RIMS2: variants seen among roughly 807,000 people sequenced by gnomAD.
RIMS2 encodes the protein regulating synaptic membrane exocytosis 2.
Under a neutral mutation model 174.4 loss-of-function variants are expected in RIMS2, and 59 were observed. The ratio of observed to expected loss-of-function variants is 0.34; its 90% confidence interval spans 0.27 to 0.42. The LOEUF is 0.42. Among genes scored for constraint, RIMS2 ranks in the 10% least tolerant of loss-of-function variants. The probability of loss-of-function intolerance (pLI) is 1.00; values close to 1 mark genes in which losing one functional copy is unlikely to be tolerated. For missense variants in RIMS2, 1,620 were observed against 1,666.3 expected, an observed-to-expected ratio of 0.97 and a Z score of 0.48; for synonymous variants, 606 against 572.5, an observed-to-expected ratio of 1.06 and a Z score of -0.84.
chr8:103,962,615 G>T (rs946140747), intron 15 of RIMS2, among the ~76,000 whole-genome samples: 1 of 149,596 alleles, frequency 6.7e-6, no homozygotes. Context: ...ATTTTTTATT[G>T]ATTGATTGAT....
intron 19 of RIMS2, among the ~76,000 whole-genome samples, chr8:104,099,240 A>G (rs2097822639): frequency 6.6e-6 from 1 of 152,124 alleles, no homozygotes; most frequent in Non-Finnish European, 1.5e-5. Flanking sequence ...ATATTCCATC[A>G]AGCTTAGTTT....
rs149743397 is a variant in RIMS2, at chr8:103,538,547, C to A, written c.176+37485C>A. 2.0e-5 allele frequency among the ~76,000 whole-genome samples: 3 copies of A among 150,050 alleles called. No homozygotes were observed. In the East Asian group the frequency reaches 6.0e-4, roughly 30 times the overall value. On this transcript the variant is annotated intron_variant, in intron 1 of 23. Coordinates refer to ENST00000504942, the Ensembl canonical transcript of RIMS2. ...ATTCTTTTTTTTGGAGATGGAGTCT[C>A]GCTCTGTTGCCCAGGCTGGACTACA...
At chr8:103,631,285 T>C (rs1490296155) in intron 1 of RIMS2, among the ~76,000 whole-genome samples, 1 of 152,218 alleles carries the variant, frequency 6.6e-6, no homozygotes, top group Non-Finnish European at 1.5e-5. Flanking sequence ...CCATCTTGAG[T>C]TGATTGTTGT....
intron 1 of RIMS2, among the ~76,000 whole-genome samples, chr8:103,600,895 C>T (rs985318428): frequency 1.3e-5 from 2 of 152,112 alleles, no homozygotes; most frequent in Admixed American, 1.3e-4. Flanking sequence ...GCCATTTTAA[C>T]TGTGGTGAGA....
chr8:104,048,665 T>C (rs997622190), intron 19 of RIMS2, among the ~76,000 whole-genome samples: 6 of 152,158 alleles, frequency 3.9e-5, no homozygotes, highest in African/African-American at 1.4e-4. Context: ...AATGGCTAAA[T>C]AAGTTATATG....
At chr8:103,894,710 CAAA>C (rs2099267395) in intron 4 of RIMS2, among the ~76,000 whole-genome samples, 3 of 151,452 alleles carry the variant, frequency 2.0e-5, no homozygotes, top group Non-Finnish European at 4.4e-5. Context: ...GTCTATATTT[CAAA>C]AATTATAGTC....
chr8:103,701,170 A>G (rs1216090413), intron 2 of RIMS2, among the ~76,000 whole-genome samples: 2 of 152,044 alleles, frequency 1.3e-5, no homozygotes, highest in Non-Finnish European at 1.5e-5. Context: ...CTGCTGATGA[A>G]TAGTTTCAAT....
intron 1 of RIMS2, among the ~76,000 whole-genome samples, chr8:103,561,342 C>G (rs1213181323): frequency 6.6e-6 from 1 of 151,972 alleles, no homozygotes; most frequent in East Asian, 1.9e-4. Context: ...CCCATTGAAT[C>G]AATTTAGAAA....
At chr8:104,212,266 A>G (rs1399277663) in intron 19 of RIMS2, among the ~76,000 whole-genome samples, 1 of 152,188 alleles carries the variant, frequency 6.6e-6, no homozygotes, top group Admixed American at 6.5e-5. Context: ...GGGAATGTAT[A>G]ATAAAAGAAG....
At chr8:104,133,880 A>G (rs2098495117) in intron 19 of RIMS2, among the ~76,000 whole-genome samples, 1 of 152,170 alleles carries the variant, frequency 6.6e-6, no homozygotes, top group Admixed American at 6.6e-5. Context: ...TGAAGAAGGA[A>G]TATGTTTGAG....
At chr8:103,942,779 A>G in exon 14 of RIMS2, 4 of 1,610,366 alleles carry the variant, frequency 2.5e-6, no homozygotes, top group Non-Finnish European at 3.4e-6. Context: ...GTAGATTTTA[A>G]TTGAATTAGA....
chr8:103,906,803 C>T (rs922830600), intron 4 of RIMS2, among the ~76,000 whole-genome samples: 33 of 152,050 alleles, frequency 2.2e-4, no homozygotes, highest in Non-Finnish European at 1.6e-4. Context: ...TGTTATGGGA[C>T]AATACTGTAT....
At chr8:103,643,177 A>G (rs2096263880) in intron 1 of RIMS2, among the ~76,000 whole-genome samples, 1 of 151,736 alleles carries the variant, frequency 6.6e-6, no homozygotes, top group Admixed American at 6.6e-5. Flanking sequence ...TTTTTGGCCA[A>G]GTCTACTGCT....
chr8:104,078,473 G>A (rs2097343117), intron 19 of RIMS2, among the ~76,000 whole-genome samples: 1 of 152,102 alleles, frequency 6.6e-6, no homozygotes, highest in African/African-American at 2.4e-5. Flanking sequence ...GTGTGTCTGT[G>A]TCCTAATCTC....
Position 103,577,529 on chromosome 8 carries a change from G to A in RIMS2, c.176+76467G>A, listed in dbSNP as rs145010133. 6.2e-3 allele frequency among the ~76,000 whole-genome samples: 940 copies of A among 152,218 alleles called. 27 individuals are homozygous for A. The highest frequency in any genetic ancestry group is 0.036 in the Admixed American group (554 of 15,282). On this transcript the variant is annotated intron_variant, in intron 1 of 23. Transcript: ENST00000504942. The stretch of plus-strand genomic sequence containing the variant: ...CAATGTAGGTGACGGGTTGACAGGT[G>A]CAGCAAACCACCATGGCATGTGTAT...
intron 19 of RIMS2, among the ~76,000 whole-genome samples, chr8:104,174,194 G>A (rs377286425): frequency 6.6e-5 from 10 of 152,174 alleles, no homozygotes; most frequent in South Asian, 4.1e-4. Flanking sequence ...TGATCCATCC[G>A]CTTCAGCCTC....
chr8:103,922,600 A>C, intron 10 of RIMS2: 1 of 393,786 alleles, frequency 2.5e-6, no homozygotes, highest in Non-Finnish European at 5.1e-6. Context: ...AAAGCTGTTT[A>C]GGTTGTCAAA....
At chr8:104,229,255 T>A (rs2099209502) in intron 19 of RIMS2, among the ~76,000 whole-genome samples, 1 of 152,200 alleles carries the variant, frequency 6.6e-6, no homozygotes, top group Non-Finnish European at 1.5e-5. Context: ...TTCTCTGCTA[T>A]TATTAAATAG....
intron 19 of RIMS2, among the ~76,000 whole-genome samples, chr8:104,065,260 A>G (rs1334477744): frequency 6.6e-6 from 1 of 152,076 alleles, no homozygotes; most frequent in Non-Finnish European, 1.5e-5. Flanking sequence ...TTCCTTTTAT[A>G]GAGTGTATAT....
Sources: allele counts gnomAD v4.1 joint callset (sites outside exome capture counted in the v4.1 genomes callset), GRCh38; gene constraint gnomAD v4.1.1; transcripts MANE v1.5; gene names NCBI Gene and HGNC (gene_info 2026-07-23, HGNC 2026-07-21).